SRP19: variants seen among roughly 807,000 people sequenced by gnomAD.
SRP19 encodes the protein signal recognition particle 19, also known as signal recognition particle 19 kDa protein.
Under a neutral mutation model 22.4 loss-of-function variants are expected in SRP19, and 11 were observed. The observed-to-expected ratio is 0.49, with a 90% CI of 0.31 to 0.81. The LOEUF (loss-of-function observed/expected upper bound fraction) is 0.81. SRP19 is among the 40% of genes least tolerant of loss of function. SRP19 has a pLI of 0.05. For missense variants in SRP19, 168 were observed against 175.9 expected (o/e 0.96, Z 0.25); for synonymous variants, 61 against 57.6 (o/e 1.06, Z -0.27).
chr5:112,893,515 G>GGCGA, downstream of SRP19: 3 of 155,564 alleles, frequency 1.9e-5, no homozygotes, highest in South Asian at 1.9e-4. Context: ...ATGATTTTAA[G>GGCGA]CCAGGCCTCT....
chr5:112,887,490 C>A (rs1030556485), intron 4 of SRP19, among the ~76,000 whole-genome samples: 1 of 152,094 alleles, frequency 6.6e-6, no homozygotes, highest in Non-Finnish European at 1.5e-5. Flanking sequence ...TTTTATTAAT[C>A]ATAACTCTTA....
downstream of SRP19, chr5:112,896,733 G>T (rs527299597): frequency 1.5e-4 from 23 of 151,830 alleles, no homozygotes; most frequent in African/African-American, 5.6e-4. Flanking sequence ...CAGGAGTTGA[G>T]ACCAGCCTGG....
In SRP19 at chr5:112,867,858, A is replaced by G; in HGVS notation, c.*321A>G. The G allele has an allele frequency of 9.7e-7, 1 of 1,028,356 alleles. No individual in the cohort carries two copies. The highest frequency in any genetic ancestry group is 1.2e-6 in the Non-Finnish European group (1 of 856,716). The allele number at this position is 1,028,356 out of a possible 1,614,324, so 63.7% of individuals were successfully genotyped here. On this transcript the variant is annotated 3_prime_UTR_variant, in exon 5 of 5. Coordinates refer to ENST00000505459, the MANE Select transcript of SRP19 (RefSeq NM_003135.3). ...CAGATAAATTTCAATTAGATTTAAAATAAACATTTTGTCCACCTTTTAAGT... is the reference window on the plus strand; with the variant it reads ...CAGATAAATTTCAATTAGATTTAAAGTAAACATTTTGTCCACCTTTTAAGT...
intron 4 of SRP19, among the ~76,000 whole-genome samples, chr5:112,888,427 C>A (rs1204495286): frequency 1.3e-5 from 2 of 152,146 alleles, no homozygotes; most frequent in African/African-American, 4.8e-5. Flanking sequence ...TCAACAATAT[C>A]TCCAGATTAT....
At chr5:112,871,442 A>G (rs1194613946), downstream of SRP19, among the ~76,000 whole-genome samples, 1 of 151,698 alleles carries the variant, frequency 6.6e-6, no homozygotes. Flanking sequence ...CTGAGTATAA[A>G]AGTTTGTAAT....
At chr5:112,883,879 G>A (rs957409144) in intron 4 of SRP19, among the ~76,000 whole-genome samples, 11 of 152,014 alleles carry the variant, frequency 7.2e-5, no homozygotes, top group South Asian at 6.2e-4. Flanking sequence ...TAAAAAGCTC[G>A]TCCTTGTCCT....
chr5:112,896,645 A>T (rs971251599), downstream of SRP19: 17 of 151,906 alleles, frequency 1.1e-4, no homozygotes, highest in African/African-American at 4.1e-4. Context: ...TTGTTCTAAA[A>T]ATAAATCTAG....
chr5:112,893,043 T>C (rs761988975), exon 5 of SRP19: 3 of 1,447,506 alleles, frequency 2.1e-6, no homozygotes, highest in South Asian at 1.1e-5. Flanking sequence ...AGTCGGGTAA[T>C]AGAGACAGAA....
downstream of SRP19, chr5:112,896,067 A>G (rs1768670638): frequency 6.6e-6 from 1 of 152,670 alleles, no homozygotes; most frequent in African/African-American, 2.4e-5. Context: ...TATGCTTAAC[A>G]TGCAGTTACG....
Position 112,864,706 on chromosome 5 carries a change from G to C in SRP19, c.275G>C (p.Ser92Thr). 1 of 1,613,972 alleles carries C rather than the reference G, an allele frequency of 6.2e-7. No individual in the cohort carries two copies. Among genetic ancestry groups the C allele is most frequent in the Non-Finnish European group, 8.5e-7 (1 of 1,179,944 alleles). The change falls in exon 4 of 5, where the codon AGC (serine) becomes ACC (threonine). Residue 92 changes from serine to threonine, a missense_variant. Physicochemically the swap from Ser to Thr is moderately conservative, Grantham distance 58. Transcript: ENST00000505459. ...GTCCAGCTCAAACAGGAAGATGGGAGCCTCTGCCTTGTACAGTTCCCATCA... is the reference window on the plus strand; with the variant it reads ...GTCCAGCTCAAACAGGAAGATGGGACCCTCTGCCTTGTACAGTTCCCATCA... Reference protein sequence around the residue: ...VRVQLKQEDGSLCLVQFPSRK... With the variant: ...VRVQLKQEDGTLCLVQFPSRK...
intron 4 of SRP19, among the ~76,000 whole-genome samples, chr5:112,887,374 G>C (rs1700252275): frequency 6.6e-6 from 1 of 152,182 alleles, no homozygotes; most frequent in Non-Finnish European, 1.5e-5. Context: ...TAATGAGCTG[G>C]TAAGGAAAAG....
At chr5:112,884,191 G>A (rs756049505) in intron 4 of SRP19, among the ~76,000 whole-genome samples, 1 of 152,110 alleles carries the variant, frequency 6.6e-6, no homozygotes, top group Non-Finnish European at 1.5e-5. Flanking sequence ...CTCACATAGA[G>A]TAGAAGCCAA....
chr5:112,873,746 T>G (rs1038274187), downstream of SRP19, among the ~76,000 whole-genome samples: 3 of 147,624 alleles, frequency 2.0e-5, no homozygotes, highest in African/African-American at 2.5e-5. Context: ...GAAGGTGAGA[T>G]TTATAGTCTT....
chr5:112,877,769 T>TAATC (rs973428464), intron 4 of SRP19: 15 of 152,292 alleles, frequency 9.8e-5, no homozygotes, highest in Non-Finnish European at 1.3e-4. Context: ...AACATACATG[T>TAATC]AATCAGAGGT....
At chr5:112,863,352 C>G (rs1580712416) in intron 2 of SRP19, among the ~76,000 whole-genome samples, 2 of 152,088 alleles carry the variant, frequency 1.3e-5, no homozygotes, top group Non-Finnish European at 2.9e-5. Flanking sequence ...TTTCATTGCT[C>G]TATAACAGGG....
downstream of SRP19, chr5:112,895,561 A>G (rs1281707116): frequency 6.6e-6 from 1 of 152,172 alleles, no homozygotes; most frequent in East Asian, 1.9e-4. Context: ...CAGACTGTTA[A>G]TTGACTACTT....
rs974154362 is a variant in SRP19 at position 112,861,320 on chromosome 5, C to A, written c.-57C>A. ...TCGGAAACTCAGAGCCGGGTTCCTC[C>A]CGGGTTTCTGCCGGGTTTCTCCCTG... On this transcript the variant is annotated 5_prime_UTR_variant, in exon 1 of 5. Coordinates refer to ENST00000505459, the MANE Select transcript of SRP19 (RefSeq NM_003135.3). 1.2e-5 allele frequency: 19 copies of A among 1,608,010 alleles called. No individual in the cohort carries two copies. Among genetic ancestry groups the A allele is most frequent in the African/African-American group, 2.7e-5 (2 of 74,708 alleles).
At chr5:112,863,121 G>A (rs190765749) in intron 2 of SRP19, among the ~76,000 whole-genome samples, 302 of 152,292 alleles carry the variant, frequency 2.0e-3, no homozygotes, top group Middle Eastern at 3.4e-3. Context: ...AACACTACAA[G>A]CATCCAGGAA....
Position 112,867,385 on chromosome 5 carries a change from C to G in SRP19, c.302-19C>G. The G allele has an allele frequency of 6.2e-7, 1 of 1,608,584 alleles. No individual in the cohort carries two copies. Among genetic ancestry groups the G allele is most frequent in the Non-Finnish European group, 8.5e-7 (1 of 1,176,682 alleles). The stretch of plus-strand genomic sequence containing the variant: ...CTTATTTCTCAGATTATACACTAAG[C>G]CTAACTTCTGGTTCCTAGGTAAGTC... On this transcript the variant is annotated intron_variant, in intron 4 of 4. Transcript: ENST00000505459.
Sources: gnomAD v4.1 joint callset for allele counts (sites outside exome capture counted in the v4.1 genomes callset) on GRCh38, gnomAD v4.1.1 for gene constraint, MANE v1.5 for transcripts, NCBI Gene and HGNC (gene_info 2026-07-23, HGNC 2026-07-21) for gene names.